Variants in RBL1 observed in about 807,000 individuals in gnomAD.
RBL1 encodes RB transcriptional corepressor like 1, also known as retinoblastoma-like protein 1.
Under a neutral mutation model 123.0 loss-of-function variants are expected in RBL1, and 82 were observed. That is an observed-to-expected ratio of 0.67 (90% CI 0.56 to 0.80). The LOEUF is 0.80. RBL1 is among the 30% of genes least tolerant of loss of function. The pLI, the probability that RBL1 is intolerant of heterozygous loss-of-function variation, is 0.00. For missense variants in RBL1, 1,171 were observed against 1,299.6 expected (o/e 0.90, Z 1.52); for synonymous variants, 405 against 441.3 (o/e 0.92, Z 1.03).
intron 1 of RBL1, among the ~76,000 whole-genome samples, chr20:37,093,233 G>GAT (rs780020005): frequency 6.6e-6 from 1 of 151,952 alleles, no homozygotes; most frequent in Non-Finnish European, 1.5e-5. Context: ...GGAAGCATGA[G>GAT]ATATATGAAA....
Position 37,067,602 on chromosome 20 carries a change from C to T in RBL1, c.492-305G>A, listed in dbSNP as rs1408723917. 2.0e-5 allele frequency among the ~76,000 whole-genome samples: 3 copies of T among 151,582 alleles called. No homozygotes were observed. The East Asian group carries it at 5.8e-4, about 29-fold the overall frequency. ...TGGCCAACACGGTGAGACCTGGTCT[C>T]TACTAAAAATACAAAAAATGAGCCA... On this transcript the variant is annotated intron_variant, in intron 3 of 21. Coordinates refer to ENST00000373664, the MANE Select transcript of RBL1 (RefSeq NM_002895.5).
At chr20:37,005,894 C>CTTTTTTTTTTTTTTTTTTTTTT (rs1013303071) in intron 20 of RBL1, among the ~76,000 whole-genome samples, 5 of 98,140 alleles carry the variant, frequency 5.1e-5, no homozygotes, top group Non-Finnish European at 5.6e-5. Flanking sequence ...TTTTTTCTTT[C>CTTTTTTTTTTTTTTTTTTTTTT]TTTTTTTTTT....
intron 2 of RBL1, among the ~76,000 whole-genome samples, chr20:37,079,114 G>C (rs1280506226): frequency 6.7e-6 from 1 of 150,328 alleles, no homozygotes; most frequent in Non-Finnish European, 1.5e-5. Context: ...TGAGGTGGGA[G>C]GACTGAGCCC....
At position 37,061,487 on chromosome 20, in the gene RBL1, T is replaced by A; in HGVS notation, c.1084-218A>T. Among the ~76,000 whole-genome samples the A allele has an allele frequency of 1.3e-5, 2 of 152,214 alleles. 1 individual carries two copies. Among genetic ancestry groups the A allele is most frequent in the Non-Finnish European group, 2.9e-5 (2 of 68,040 alleles). On this transcript the variant is annotated intron_variant, in intron 8 of 21. Transcript: ENST00000373664. The stretch of plus-strand genomic sequence containing the variant: ...ATCTTCACACCACTGATTTGAAAGA[T>A]AATGTATACATAATTTAATTTTATA...
intron 19 of RBL1, among the ~76,000 whole-genome samples, chr20:37,008,556 G>A (rs911926538): frequency 1.3e-5 from 2 of 152,160 alleles, no homozygotes; most frequent in East Asian, 3.9e-4. Context: ...GGAAGGAAGA[G>A]TATTACAGGG....
chr20:37,047,287 C>T (rs1269543772), intron 11 of RBL1, 97 bp from the exon 12 acceptor site: 10 of 1,378,426 alleles, frequency 7.3e-6, no homozygotes, highest in Non-Finnish European at 9.7e-6. Context: ...AAATAACGTG[C>T]AAATTATATT....
At chr20:37,024,701 A>T (rs2064393048) in intron 16 of RBL1, among the ~76,000 whole-genome samples, 1 of 152,244 alleles carries the variant, frequency 6.6e-6, no homozygotes, top group Non-Finnish European at 1.5e-5. Flanking sequence ...TTAGATTCTA[A>T]AACAACATTC....
intron 13 of RBL1, among the ~76,000 whole-genome samples, chr20:37,041,897 C>T (rs1416038425): frequency 1.3e-5 from 2 of 151,518 alleles, no homozygotes; most frequent in African/African-American, 4.8e-5. Context: ...ACGGTGAAAC[C>T]CTGCCTCTAC....
Position 37,003,813 on chromosome 20 carries a change from T to G in RBL1, c.2925A>C (p.Ser975=). Residue 975 remains serine, a synonymous_variant, in exon 21 of 22, where the codon TCA becomes TCC. Transcript: ENST00000373664. ...PFPHIKQQPG[S]PRRISQQHSI... ...AGTGCTGCTGGGAAATGCGGCGTGG[T>G]GAGCCTGGCTGTTGTTTAATATGTG... 6.2e-7 allele frequency: 1 copy of G among 1,613,998 alleles called. No homozygotes were observed. Among genetic ancestry groups the G allele is most frequent in the Non-Finnish European group, 8.5e-7 (1 of 1,179,938 alleles).
At chr20:37,006,431 G>T (rs1197021377) in intron 20 of RBL1, among the ~76,000 whole-genome samples, 1 of 143,130 alleles carries the variant, frequency 7.0e-6, no homozygotes, top group Non-Finnish European at 1.5e-5. Flanking sequence ...GACCTCTGGT[G>T]ATCCGCCCGC....
intron 16 of RBL1, among the ~76,000 whole-genome samples, chr20:37,023,095 A>C (rs1914772238): frequency 6.6e-6 from 1 of 152,152 alleles, no homozygotes; most frequent in Admixed American, 6.6e-5. Context: ...ATTTACCTGC[A>C]TCATGACAAT....
intron 19 of RBL1, among the ~76,000 whole-genome samples, chr20:37,016,310 G>A (rs926877734): frequency 2.6e-5 from 4 of 152,134 alleles, no homozygotes; most frequent in Non-Finnish European, 5.9e-5. Flanking sequence ...TTACAGGTGT[G>A]AGCCACCACA....
chr20:36,999,355 A>T (rs2063925844), intron 21 of RBL1, among the ~76,000 whole-genome samples: 1 of 152,122 alleles, frequency 6.6e-6, no homozygotes, highest in South Asian at 2.1e-4. Context: ...GTGAGCAGTG[A>T]TCATGCCTGG....
chr20:37,064,209 C>T (rs1451644805), intron 7 of RBL1, among the ~76,000 whole-genome samples: 5 of 149,098 alleles, frequency 3.4e-5, no homozygotes, highest in African/African-American at 5.0e-5. Context: ...GCGATCTCAA[C>T]TTACTGCAAC....
At chr20:37,094,941 G>A (rs1320253118) in intron 1 of RBL1, among the ~76,000 whole-genome samples, 1 of 152,116 alleles carries the variant, frequency 6.6e-6, no homozygotes, top group South Asian at 2.1e-4. Flanking sequence ...CCCAGCCTGG[G>A]TTTCTATATT....
chr20:37,044,033 G>GTTTT (rs200990142), intron 13 of RBL1, 53 bp downstream of exon 13: 272 of 912,458 alleles, frequency 3.0e-4, no homozygotes, highest in South Asian at 1.1e-3. Context: ...AATAAAGCTG[G>GTTTT]TTTTTTTTTT....
At chr20:37,026,033 G>A (rs375190038) in intron 16 of RBL1, among the ~76,000 whole-genome samples, 13 of 151,986 alleles carry the variant, frequency 8.6e-5, no homozygotes, top group African/African-American at 1.2e-4. Flanking sequence ...GTGAGCCACC[G>A]ACCTGGCCAG....
At position 36,996,349 on chromosome 20, in the gene RBL1, T is replaced by A. The variant is rs1019329118; in HGVS notation, c.*2410A>T. On this transcript the variant is annotated 3_prime_UTR_variant, in exon 22 of 22. Transcript: ENST00000373664. ...CTGCTTCCAGTCATACAGAAAAGAG[T>A]TTTTTTTCAATAATCTCAATTCCAA... The A allele has an allele frequency of 6.6e-6, 1 of 151,848 alleles. No homozygotes were observed. Among genetic ancestry groups the A allele is most frequent in the Non-Finnish European group, 1.5e-5 (1 of 67,962 alleles). 9.4% of individuals were successfully genotyped at this position (151,848 alleles called of 1,614,324 possible). A position where few individuals can be genotyped will look rare whatever the true frequency, so the allele number is the denominator to read the frequency against.
Position 37,095,975 on chromosome 20 carries a change from T to C in RBL1, c.-47A>G, listed in dbSNP as rs1334335137. 46 of 1,419,654 alleles carry C rather than the reference T, an allele frequency of 3.2e-5. No individual in the cohort carries two copies. Among genetic ancestry groups the C allele is most frequent in the Admixed American group, 2.3e-4 (10 of 42,626 alleles). The allele number at this position is 1,419,654 out of a possible 1,614,324, so 87.9% of individuals were successfully genotyped here. A position where few individuals can be genotyped will look rare whatever the true frequency, so the allele number is the denominator to read the frequency against. On this transcript the variant is annotated 5_prime_UTR_variant, in exon 1 of 22. Coordinates refer to ENST00000373664, the MANE Select transcript of RBL1 (RefSeq NM_002895.5). ...CGCGCCACGGCCCCCGACTTCTTTC[T>C]CCCTCCCAGGCGCGCTACCCACAAC...
Sources: gnomAD v4.1 joint callset for allele counts (sites outside exome capture counted in the v4.1 genomes callset) on GRCh38, gnomAD v4.1.1 for gene constraint, MANE v1.5 for transcripts, NCBI Gene and HGNC (gene_info 2026-07-23, HGNC 2026-07-21) for gene names.